The following TNRC6A variants were observed in gnomAD, a reference collection of about 807,000 sequenced individuals.
TNRC6A encodes the protein trinucleotide repeat-containing gene 6A protein.
A neutral mutation model predicts 221.2 loss-of-function variants in TNRC6A; 44 were observed. The observed-to-expected ratio is 0.20, with a 90% CI of 0.16 to 0.26. The LOEUF (loss-of-function observed/expected upper bound fraction) is 0.26, where lower values mean the gene tolerates loss of function less well. TNRC6A is among the 10% of genes least tolerant of loss of function. The pLI, the probability that TNRC6A is intolerant of heterozygous loss-of-function variation, is 1.00. For missense variants in TNRC6A, 2,199 were observed against 2,404.4 expected, an observed-to-expected ratio of 0.91 and a Z score of 1.79; for synonymous variants, 847 against 838.5, an observed-to-expected ratio of 1.01 and a Z score of -0.18.
In TNRC6A at chr16:24,790,219, G is replaced by A. The variant is rs763571965; in HGVS notation, c.1577G>A (p.Gly526Asp). 2 of 1,614,188 alleles carry A rather than the reference G, an allele frequency of 1.2e-6. No homozygotes were observed. Among genetic ancestry groups the A allele is most frequent in the Non-Finnish European group, 1.7e-6 (2 of 1,180,038 alleles). Residue 526 changes from glycine to aspartate, a missense_variant, in exon 6 of 25, where the codon GGT (glycine) becomes GAT (aspartate). Gly to Asp is a moderately conservative substitution (Grantham distance 94). This residue lies in a region of TNRC6A where 1,405 missense variants were observed against 1,400.2 expected (regional missense o/e 1.00). Coordinates refer to ENST00000395799, the MANE Select transcript of TNRC6A (RefSeq NM_014494.4). ...GSYGTTWGAYGSNYSGDKCSG... is the reference protein window; with the variant it reads ...GSYGTTWGAYDSNYSGDKCSG... Reference sequence around the variant, plus strand: ...TATGGTACTACATGGGGTGCCTATGGTTCTAATTACTCTGGAGACAAATGT... The same window carrying A: ...TATGGTACTACATGGGGTGCCTATGATTCTAATTACTCTGGAGACAAATGT...
chr16:24,733,091 C>T (rs1016835253), intron 2 of TNRC6A, among the ~76,000 whole-genome samples: 1 of 152,132 alleles, frequency 6.6e-6, no homozygotes, highest in African/African-American at 2.4e-5. Flanking sequence ...GTGGCATGCG[C>T]CTGTATTCCC....
At chr16:24,758,311 GTTTT>G in intron 3 of TNRC6A, 24 bp from the exon 4 acceptor site, 1 of 1,596,144 alleles carries the variant, frequency 6.3e-7, no homozygotes. Flanking sequence ...TATTTACATT[GTTTT>G]TTGTTTGTTT....
Position 24,790,884 on chromosome 16 carries a change from A to G in TNRC6A, c.2242A>G (p.Asn748Asp). 6.2e-7 allele frequency: 1 copy of G among 1,614,184 alleles called. No homozygotes were observed. The highest frequency in any genetic ancestry group is 1.1e-5 in the South Asian group (1 of 91,086). ...ACCTAGAGGGGAACGAAAGACTGAC[A>G]ATGGGACAGAGGCCTGGGGAAGCTC... ...TSPRGERKTD[N>D]GTEAWGSSAT... The change falls in exon 6 of 25, where the codon AAT becomes GAT. Residue 748 changes from asparagine to aspartate, a missense_variant. Physicochemically the swap from Asn to Asp is conservative, Grantham distance 23. Coordinates refer to ENST00000395799, the MANE Select transcript of TNRC6A (RefSeq NM_014494.4).
intron 1 of TNRC6A, among the ~76,000 whole-genome samples, chr16:24,621,346 T>A (rs900856679): frequency 4.0e-4 from 10 of 24,694 alleles, no homozygotes; most frequent in Non-Finnish European, 6.3e-4. Context: ...GAATATGGTC[T>A]TTTTTTTTTT....
At chr16:24,803,775 C>T (rs555314805) in intron 11 of TNRC6A, 42 of 178,180 alleles carry the variant, frequency 2.4e-4, no homozygotes, top group Middle Eastern at 5.0e-3. Flanking sequence ...GTGGTACACT[C>T]CTGTAATCCC....
intron 2 of TNRC6A, among the ~76,000 whole-genome samples, chr16:24,739,304 TA>T (rs1257062617): frequency 3.3e-5 from 5 of 152,182 alleles, no homozygotes; most frequent in Non-Finnish European, 5.9e-5. Flanking sequence ...TTCATGTCCT[TA>T]TTGGCCATTC....
chr16:24,627,091 T>C (rs113570577), intron 1 of TNRC6A, among the ~76,000 whole-genome samples: 15 of 151,952 alleles, frequency 9.9e-5, no homozygotes, highest in African/African-American at 3.1e-4. Context: ...GTTTATATTC[T>C]AGAGATGGGA....
intron 3 of TNRC6A, among the ~76,000 whole-genome samples, chr16:24,752,273 C>T (rs1005167948): frequency 6.6e-6 from 1 of 152,112 alleles, no homozygotes; most frequent in Non-Finnish European, 1.5e-5. Flanking sequence ...TCGCAGGTTC[C>T]AGATGAGTGA....
chr16:24,781,324 G>T (rs966170984), intron 5 of TNRC6A, among the ~76,000 whole-genome samples: 1 of 151,900 alleles, frequency 6.6e-6, no homozygotes, highest in Non-Finnish European at 1.5e-5. Flanking sequence ...CTCCCAAATT[G>T]CTGGGATTAC....
chr16:24,671,225 G>A (rs777928057), intron 2 of TNRC6A, among the ~76,000 whole-genome samples: 11 of 152,130 alleles, frequency 7.2e-5, no homozygotes, highest in Non-Finnish European at 1.6e-4. Flanking sequence ...AAAAAAGAGA[G>A]GTTGTCCTTA....
chr16:24,709,042 A>C (rs1478089842), intron 2 of TNRC6A, among the ~76,000 whole-genome samples: 1 of 151,988 alleles, frequency 6.6e-6, no homozygotes, highest in Admixed American at 6.6e-5. Flanking sequence ...AGATTGCCTG[A>C]GGTCGGGAGT....
intron 2 of TNRC6A, among the ~76,000 whole-genome samples, chr16:24,718,672 C>T (rs1596541845): frequency 6.6e-6 from 1 of 152,212 alleles, no homozygotes; most frequent in East Asian, 1.9e-4. Flanking sequence ...GAATTCATAG[C>T]ACCAGCAGGA....
chr16:24,773,544 G>T lies in TNRC6A; in HGVS notation c.164-3389G>T, dbSNP rs189225276. On this transcript the variant is annotated intron_variant, in intron 4 of 24. Transcript: ENST00000395799. The stretch of plus-strand genomic sequence containing the variant: ...CATGCATGTGTGTGTGTTTGTGCAC[G>T]CGTGTACATGCATGCATGCATGTTA... 5.3e-5 allele frequency among the ~76,000 whole-genome samples: 8 copies of T among 152,128 alleles called. No individual in the cohort carries two copies. The East Asian group carries it at 1.5e-3, about 29-fold the overall frequency.
At position 24,825,830 on chromosome 16, in the gene TNRC6A, C is replaced by T. The variant is rs1277780139; in HGVS notation, c.*2023C>T. ...CATACCTCTGTTACAAAGCGAGAAA[C>T]GCCACACCCGGACTGGCCTTTTCTT... On this transcript the variant is annotated 3_prime_UTR_variant, in exon 25 of 25. Coordinates refer to ENST00000395799, the MANE Select transcript of TNRC6A (RefSeq NM_014494.4). 1.0e-4 allele frequency: 16 copies of T among 152,628 alleles called. 1 individual carries two copies. Among genetic ancestry groups the T allele is most frequent in the Admixed American group, 6.5e-4 (10 of 15,276 alleles). The allele number at this position is 152,628 out of a possible 1,614,324, so 9.5% of individuals were successfully genotyped here. A position where few individuals can be genotyped will look rare whatever the true frequency, so the allele number is the denominator to read the frequency against.
In TNRC6A at chr16:24,823,137, G is replaced by GA. The variant is rs1170828922; in HGVS notation, c.5513+125dup. On this transcript the variant is annotated intron_variant, in intron 24 of 24. Coordinates refer to ENST00000395799, the MANE Select transcript of TNRC6A (RefSeq NM_014494.4). The surrounding 1 kb of genome is among the most constrained non-coding windows in gnomAD (Gnocchi z 4.3). ...CTCCTGCTGGCTGCAGTAGTGCCCT[G>GA]ATTCCAAGGTCGGCATTCCTAAGCG... The GA allele has an allele frequency of 3.0e-6, 4 of 1,340,016 alleles. No homozygotes were observed. Among genetic ancestry groups the GA allele is most frequent in the Non-Finnish European group, 4.2e-6 (4 of 961,324 alleles). 83.0% of individuals were successfully genotyped at this position (1,340,016 alleles called of 1,614,324 possible). A position where few individuals can be genotyped will look rare whatever the true frequency, so the allele number is the denominator to read the frequency against.
In TNRC6A at chr16:24,747,003, G is replaced by A. The variant is rs140240117; in HGVS notation, c.54-3723G>A. On this transcript the variant is annotated intron_variant, in intron 2 of 24. Transcript: ENST00000395799. ...CCCGGCCAGAAACGCATTCTTGAAC[G>A]GTACAAGTAAATCATTTGTAGTGGC... is the stretch of plus-strand genomic sequence containing the variant. Among the ~76,000 whole-genome samples the A allele has an allele frequency of 3.0e-4, 45 of 152,226 alleles. No homozygotes were observed. The East Asian group carries it at 8.3e-3, about 28-fold the overall frequency.
intron 1 of TNRC6A, among the ~76,000 whole-genome samples, chr16:24,610,651 A>T (rs534414350): frequency 3.9e-5 from 6 of 152,264 alleles, no homozygotes; most frequent in African/African-American, 1.4e-4. Flanking sequence ...CCTAAGGAGC[A>T]GCGCTGCGCT....
intron 5 of TNRC6A, among the ~76,000 whole-genome samples, chr16:24,788,282 T>C (rs1300042079): frequency 6.6e-6 from 1 of 152,230 alleles, no homozygotes; most frequent in African/African-American, 2.4e-5. Flanking sequence ...TTCTGTTCTT[T>C]TATATAAATG....
chr16:24,635,126 TTTTCTTTC>T (rs58227279), intron 1 of TNRC6A, among the ~76,000 whole-genome samples: 1 of 145,280 alleles, frequency 6.9e-6, no homozygotes, highest in African/African-American at 2.6e-5. Context: ...TTTTCTTTCT[TTTTCTTTC>T]TTTTTCTTTT....
Sources: gnomAD v4.1 joint callset for allele counts (sites outside exome capture counted in the v4.1 genomes callset) on GRCh38, gnomAD v4.1.1 for gene constraint, gnomAD v4.1.1 regional missense constraint, Gnocchi (gnomAD v3.1) non-coding constraint, MANE v1.5 for transcripts, NCBI Gene and HGNC (gene_info 2026-07-23, HGNC 2026-07-21) for gene names.